PCDHA9: variants seen among roughly 807,000 people sequenced by gnomAD.
PCDHA9 encodes the protein protocadherin alpha-9.
A neutral mutation model predicts 62.0 loss-of-function variants in PCDHA9; 62 were observed. That is an observed-to-expected ratio of 1.00 (90% CI 0.81 to 1.23). The LOEUF is 1.23. Among genes scored for constraint, PCDHA9 ranks in the 50% most tolerant of loss-of-function variants. PCDHA9 has a pLI of 0.00. For synonymous variants in PCDHA9, 557 were observed against 567.6 expected, an observed-to-expected ratio of 0.98 and a Z score of 0.27; for missense variants, 1,205 against 1,249.8, an observed-to-expected ratio of 0.96 and a Z score of 0.54.
chr5:140,910,652 T>C (rs2075120001), intron 1 of PCDHA9, among the ~76,000 whole-genome samples: 1 of 152,204 alleles, frequency 6.6e-6, no homozygotes, highest in Non-Finnish European at 1.5e-5. Flanking sequence ...TTTTGATCCC[T>C]TCCTCTACAT....
intron 1 of PCDHA9, among the ~76,000 whole-genome samples, chr5:140,957,748 G>T (rs2095381433): frequency 6.6e-6 from 1 of 152,080 alleles, no homozygotes; most frequent in South Asian, 2.1e-4. Context: ...GACATGAAAG[G>T]ATGTTCATTA....
At chr5:140,869,857 A>T in intron 1 of PCDHA9, 1 of 1,610,928 alleles carries the variant, frequency 6.2e-7, no homozygotes, top group Non-Finnish European at 8.5e-7. Flanking sequence ...GGTGAGCCTT[A>T]TGGAAAATGC....
chr5:140,877,592 T>G, intron 1 of PCDHA9: 1 of 1,613,812 alleles, frequency 6.2e-7, no homozygotes, highest in South Asian at 1.1e-5. Flanking sequence ...ATCTGTGCGG[T>G]GTCCAGCCTG....
At chr5:140,851,304 C>A in intron 1 of PCDHA9, 2 of 1,006,386 alleles carry the variant, frequency 2.0e-6, no homozygotes, top group Non-Finnish European at 2.4e-6. Flanking sequence ...AAATATATAG[C>A]AATTGTTACC....
At chr5:140,983,438 C>T (rs1233600670) in intron 3 of PCDHA9, among the ~76,000 whole-genome samples, 2 of 152,224 alleles carry the variant, frequency 1.3e-5, no homozygotes, top group Non-Finnish European at 2.9e-5. Flanking sequence ...ATTGTGTCTA[C>T]TCTAATCCTC....
At chr5:141,001,997 C>G (rs2098052259) in intron 3 of PCDHA9, among the ~76,000 whole-genome samples, 1 of 152,190 alleles carries the variant, frequency 6.6e-6, no homozygotes, top group Admixed American at 6.5e-5. Context: ...AGTTCACTTG[C>G]AAACACAGAA....
At chr5:140,916,665 G>A (rs1166692195) in intron 1 of PCDHA9, among the ~76,000 whole-genome samples, 2 of 152,184 alleles carry the variant, frequency 1.3e-5, no homozygotes, top group Non-Finnish European at 2.9e-5. Flanking sequence ...CAAGATGCAA[G>A]ACAAAGTCCT....
At chr5:140,974,712 G>C (rs999445044) in intron 1 of PCDHA9, among the ~76,000 whole-genome samples, 1 of 152,076 alleles carries the variant, frequency 6.6e-6, no homozygotes, top group African/African-American at 2.4e-5. Flanking sequence ...TGTTGTTCAA[G>C]CTGCTCTCGA....
At position 140,927,789 on chromosome 5, in the gene PCDHA9, A is replaced by G. The variant is rs781883935; in HGVS notation, c.2395-51160A>G. On this transcript the variant is annotated intron_variant, in intron 1 of 3. Transcript: ENST00000532602. The stretch of plus-strand genomic sequence containing the variant: ...GGGAGGTGCAAGTAGCTGCTTCACT[A>G]GGTCCGCCTGAAACGCTCTTGGAGG... 4 of 1,614,164 alleles carry G rather than the reference A, an allele frequency of 2.5e-6. No individual in the cohort carries two copies. The African/African-American group carries it at 4.0e-5, about 16-fold the overall frequency.
chr5:140,855,873 A>G lies in PCDHA9; in HGVS notation c.2394+4984A>G. ...ACCGGATGTCGCTGTCGTCCACAAAATAGCTTTTTAGAACAAAGGCATCAG... is the reference window on the plus strand; with the variant it reads ...ACCGGATGTCGCTGTCGTCCACAAAGTAGCTTTTTAGAACAAAGGCATCAG... On this transcript the variant is annotated intron_variant, in intron 1 of 3. Coordinates refer to ENST00000532602, the MANE Select transcript of PCDHA9 (RefSeq NM_031857.2). The G allele has an allele frequency of 2.3e-6, 2 of 864,574 alleles. 1 individual carries two copies. Among genetic ancestry groups the G allele is most frequent in the South Asian group, 4.1e-5 (2 of 49,350 alleles). The allele number at this position is 864,574 out of a possible 1,614,324, so 53.6% of individuals were successfully genotyped here.
At chr5:140,863,429 G>A (rs781937083) in intron 1 of PCDHA9, 1 of 653,862 alleles carries the variant, frequency 1.5e-6, no homozygotes, top group East Asian at 4.5e-5. Flanking sequence ...AGCGTAGTGG[G>A]ATCTGGTCTT....
intron 1 of PCDHA9, chr5:140,967,771 G>A (rs1554229926): frequency 1.2e-6 from 2 of 1,614,222 alleles, no homozygotes; most frequent in Non-Finnish European, 1.7e-6. Context: ...AGATCTATGT[G>A]CAGGCGACTG....
At chr5:140,878,879 G>A (rs1315306611) in intron 1 of PCDHA9, among the ~76,000 whole-genome samples, 4 of 152,204 alleles carry the variant, frequency 2.6e-5, no homozygotes, top group Admixed American at 6.5e-5. Flanking sequence ...AGCCTTTCAA[G>A]TAGCTGAGAC....
chr5:140,971,386 G>A (rs1413710321), intron 1 of PCDHA9, among the ~76,000 whole-genome samples: 1 of 152,140 alleles, frequency 6.6e-6, no homozygotes, highest in East Asian at 1.9e-4. Flanking sequence ...CTTTAATAAA[G>A]GCAAATTTCT....
At chr5:140,922,548 G>T (rs2080883425) in intron 1 of PCDHA9, among the ~76,000 whole-genome samples, 2 of 152,172 alleles carry the variant, frequency 1.3e-5, no homozygotes, top group Non-Finnish European at 2.9e-5. Flanking sequence ...GCAAGGTAAG[G>T]AGAAAAGTCA....
intron 1 of PCDHA9, among the ~76,000 whole-genome samples, chr5:140,935,985 C>T (rs155825): frequency 0.32 from 47,782 of 150,880 alleles, 7,901 homozygotes; most frequent in East Asian, 0.53. Context: ...CTCTGCCTCC[C>T]GGGTTCAAGC....
At chr5:140,893,416 G>A (rs1351047268) in intron 1 of PCDHA9, among the ~76,000 whole-genome samples, 1 of 152,136 alleles carries the variant, frequency 6.6e-6, no homozygotes, top group Non-Finnish European at 1.5e-5. Context: ...ACTTAGGGAG[G>A]CAGAGGCAGG....
At chr5:140,862,607 A>C in intron 1 of PCDHA9, 3 of 519,204 alleles carry the variant, frequency 5.8e-6, no homozygotes, top group Non-Finnish European at 1.2e-5. Flanking sequence ...GTGTTCGTGA[A>C]AGGTAACAAC....
chr5:140,853,170 C>G, intron 1 of PCDHA9: 1 of 964,208 alleles, frequency 1.0e-6, no homozygotes, highest in South Asian at 4.8e-5. Flanking sequence ...TGAGCCACCG[C>G]GCCTGGCCTA....
Sources: gnomAD v4.1 joint callset for allele counts (sites outside exome capture counted in the v4.1 genomes callset) on GRCh38, gnomAD v4.1.1 for gene constraint, MANE v1.5 for transcripts, NCBI Gene and HGNC (gene_info 2026-07-23, HGNC 2026-07-21) for gene names.